The following DPP6 variants were observed in gnomAD, a reference collection of about 807,000 sequenced individuals.
DPP6 encodes the protein A-type potassium channel modulatory protein DPP6.
A neutral mutation model predicts 122.6 loss-of-function variants in DPP6; 69 were observed. The ratio of observed to expected loss-of-function variants is 0.56; its 90% CI spans 0.46 to 0.69. DPP6 has a LOEUF of 0.69. DPP6 is among the 30% of genes least tolerant of loss of function. The pLI is 0.00. For missense variants in DPP6, 928 were observed against 1,116.9 expected, an observed-to-expected ratio of 0.83 and a Z score of 2.41; for synonymous variants, 418 against 433.1, an observed-to-expected ratio of 0.97 and a Z score of 0.43.
intron 17 of DPP6, among the ~76,000 whole-genome samples, chr7:154,857,377 G>T (rs886878079): frequency 6.6e-6 from 1 of 152,160 alleles, no homozygotes; most frequent in African/African-American, 2.4e-5. Flanking sequence ...CCTGAGGGTT[G>T]GCACATCATA....
chr7:153,857,797 G>C, the DPP6 span, among the ~76,000 whole-genome samples: 1 of 152,158 alleles, frequency 6.6e-6, no homozygotes, highest in Non-Finnish European at 1.5e-5. Flanking sequence ...ATTTAGATTT[G>C]ATCTGCATAG....
chr7:154,049,874 C>T (rs1436248357), upstream of DPP6, among the ~76,000 whole-genome samples: 5 of 151,914 alleles, frequency 3.3e-5, no homozygotes, highest in Non-Finnish European at 7.4e-5. Flanking sequence ...CGTGAGCCAC[C>T]GCGCCCGGCC....
At position 153,922,955 on chromosome 7, in the gene DPP6, T is replaced by A. The variant is rs546091947; in HGVS notation, c.51+35221T>A. ...ACCTGCAGTCCCTGACATCAGTGAT[T>A]CCAAATGGGTTGGGACTCTTTGATC... On this transcript the variant is annotated intron_variant, in intron 1 of 25. Coordinates refer to the DPP6 transcript ENST00000404039. Among the ~76,000 whole-genome samples, 3 of 152,356 alleles carry A rather than the reference T, an allele frequency of 2.0e-5. No individual in the cohort carries two copies. The South Asian group carries it at 6.2e-4, about 32-fold the overall frequency.
At chr7:154,841,368 C>G (rs7789429) in intron 16 of DPP6, among the ~76,000 whole-genome samples, 99,555 of 150,232 alleles carry the variant, frequency 0.66, 34,689 homozygotes, top group East Asian at 0.84. Flanking sequence ...CCTTTGCCCC[C>G]CTGCAGGCTT....
intron 1 of DPP6, among the ~76,000 whole-genome samples, chr7:154,034,430 C>G (rs1005025797): frequency 6.6e-6 from 1 of 152,130 alleles, no homozygotes; most frequent in African/African-American, 2.4e-5. Context: ...TGCCTTTATC[C>G]CCCCTCTGCA....
chr7:153,898,218 C>T (rs1349231488), intron 1 of DPP6, among the ~76,000 whole-genome samples: 5 of 152,008 alleles, frequency 3.3e-5, no homozygotes, highest in South Asian at 2.1e-4. Context: ...TTTGGGAGGT[C>T]GAGGTGGGAG....
intron 10 of DPP6, among the ~76,000 whole-genome samples, chr7:154,784,686 G>GTCA (rs1298833086): frequency 6.6e-6 from 1 of 152,188 alleles, no homozygotes; most frequent in East Asian, 1.9e-4. Context: ...TCACAATCAG[G>GTCA]CAGGGGTGAC....
chr7:154,389,873 G>T (rs1284506639), intron 1 of DPP6, among the ~76,000 whole-genome samples: 1 of 152,222 alleles, frequency 6.6e-6, no homozygotes, highest in Non-Finnish European at 1.5e-5. Context: ...ACAAAAGCCA[G>T]ATTAATACAA....
intron 1 of DPP6, among the ~76,000 whole-genome samples, chr7:153,977,534 C>T (rs1052783734): frequency 6.6e-6 from 1 of 152,094 alleles, no homozygotes; most frequent in African/African-American, 2.4e-5. Flanking sequence ...CAGGCCCCAG[C>T]CTCATTCTTT....
chr7:154,635,736 C>T (rs568670414), intron 5 of DPP6, among the ~76,000 whole-genome samples: 39 of 152,230 alleles, frequency 2.6e-4, no homozygotes, highest in Middle Eastern at 3.4e-3. Context: ...AAGGCTTGAC[C>T]GGAGATGGGG....
intron 1 of DPP6, among the ~76,000 whole-genome samples, chr7:154,371,618 A>T (rs779155822): frequency 5.1e-4 from 77 of 152,104 alleles, no homozygotes; most frequent in Non-Finnish European, 9.6e-4. Context: ...TCCTGAATGC[A>T]CACGTCTGTG....
the DPP6 span, among the ~76,000 whole-genome samples, chr7:153,844,838 C>G: frequency 1.3e-5 from 2 of 152,076 alleles, no homozygotes; most frequent in Admixed American, 1.3e-4. Flanking sequence ...CAACTGAACT[C>G]TAAATAAAAA....
chr7:153,791,349 C>T, the DPP6 span, among the ~76,000 whole-genome samples: 1 of 151,766 alleles, frequency 6.6e-6, no homozygotes, highest in East Asian at 1.9e-4. Context: ...TACCTATTCA[C>T]ATCTCCAGGA....
At chr7:154,114,982 G>A (rs1398385485) in intron 1 of DPP6, among the ~76,000 whole-genome samples, 1 of 152,232 alleles carries the variant, frequency 6.6e-6, no homozygotes, top group East Asian at 1.9e-4. Context: ...CGCCTCATGG[G>A]CATGCTGACG....
At chr7:154,786,116 C>T (rs1173917366) in intron 10 of DPP6, among the ~76,000 whole-genome samples, 1 of 152,192 alleles carries the variant, frequency 6.6e-6, no homozygotes, top group African/African-American at 2.4e-5. Context: ...GTGATTTACT[C>T]CCTCTTTTGT....
intron 1 of DPP6, among the ~76,000 whole-genome samples, chr7:153,952,781 T>G (rs910831147): frequency 3.9e-5 from 6 of 152,218 alleles, no homozygotes; most frequent in Non-Finnish European, 7.3e-5. Context: ...CTATGAGAAC[T>G]TGAGATGACA....
the DPP6 span, among the ~76,000 whole-genome samples, chr7:153,856,876 A>G: frequency 6.6e-6 from 1 of 152,218 alleles, no homozygotes; most frequent in Admixed American, 6.5e-5. Context: ...AATCTCTCTT[A>G]CATAGAATGA....
intron 5 of DPP6, among the ~76,000 whole-genome samples, chr7:154,570,242 G>T (rs1298761551): frequency 6.6e-6 from 1 of 151,900 alleles, no homozygotes; most frequent in African/African-American, 2.4e-5. Flanking sequence ...AACATCCTGA[G>T]AATAAGAGTT....
intron 6 of DPP6, among the ~76,000 whole-genome samples, chr7:154,668,199 A>ATATATATATATATATG (rs1192604281): frequency 1.2e-5 from 1 of 80,898 alleles, no homozygotes; most frequent in Non-Finnish European, 2.6e-5. Flanking sequence ...TGTATATTTT[A>ATATATATATATATATG]TATATATATA....
Sources: gnomAD v4.1 joint callset for allele counts (sites outside exome capture counted in the v4.1 genomes callset) on GRCh38, gnomAD v4.1.1 for gene constraint, MANE v1.5 for transcripts, NCBI Gene and HGNC (gene_info 2026-07-23, HGNC 2026-07-21) for gene names.